The following ACOXL variants were observed in gnomAD, a reference collection of about 807,000 sequenced individuals.
ACOXL encodes the protein acyl-CoA oxidase like, also known as acyl-coenzyme A oxidase-like protein.
Under a neutral mutation model 71.9 loss-of-function variants are expected in ACOXL, and 70 were observed. The observed-to-expected ratio is 0.97, with a 90% CI of 0.80 to 1.19. The LOEUF is 1.19. Ranked by LOEUF, ACOXL falls within the 50% of genes most tolerant of loss-of-function variation. The pLI is 0.00. For missense variants in ACOXL, 703 were observed against 736.3 expected (o/e 0.95, Z 0.52); for synonymous variants, 253 against 281.6 (o/e 0.90, Z 1.02).
chr2:110,995,783 T>C, intron 13 of ACOXL, 110 bp from the exon 14 acceptor site: 1 of 756,744 alleles, frequency 1.3e-6, no homozygotes. Context: ...ATTGACACTA[T>C]TTTTCTACAG....
intron 12 of ACOXL, among the ~76,000 whole-genome samples, chr2:110,985,625 G>A (rs1323139627): frequency 6.6e-6 from 1 of 152,150 alleles, no homozygotes; most frequent in East Asian, 1.9e-4. Context: ...GGTTGCCATG[G>A]GGATGGGAAA....
chr2:111,104,361 C>T (rs756592385), intron 17 of ACOXL, among the ~76,000 whole-genome samples: 1 of 152,108 alleles, frequency 6.6e-6, no homozygotes, highest in Non-Finnish European at 1.5e-5. Context: ...TTCAGGGGTT[C>T]CATTGCTGGG....
At chr2:110,867,928 A>G (rs960759163) in intron 10 of ACOXL, among the ~76,000 whole-genome samples, 11 of 152,030 alleles carry the variant, frequency 7.2e-5, no homozygotes, top group Middle Eastern at 3.2e-3. Flanking sequence ...ACGCTCAGCT[A>G]ATTTTTGTAT....
chr2:111,013,522 CAAAAAAA>C (rs56905916), intron 14 of ACOXL, among the ~76,000 whole-genome samples: 15 of 95,520 alleles, frequency 1.6e-4, no homozygotes, highest in Non-Finnish European at 2.3e-4. Flanking sequence ...GACCCTGTCT[CAAAAAAA>C]AAAAAAAAAA....
intron 3 of ACOXL, among the ~76,000 whole-genome samples, chr2:110,787,807 T>C (rs73956453): frequency 0.014 from 2,139 of 152,276 alleles, 57 homozygotes; most frequent in African/African-American, 0.049. Context: ...TTCTTCATGT[T>C]CCAGCTAACG....
intron 16 of ACOXL, 40 bp downstream of exon 16, chr2:111,049,328 G>A: frequency 6.6e-7 from 1 of 1,523,240 alleles, no homozygotes; most frequent in Non-Finnish European, 9.1e-7. Flanking sequence ...TAAAGGCTCA[G>A]AGCGTTTTTA....
At chr2:110,874,072 CG>C (rs1004950962) in intron 10 of ACOXL, among the ~76,000 whole-genome samples, 8 of 152,122 alleles carry the variant, frequency 5.3e-5, no homozygotes, top group Non-Finnish European at 1.0e-4. Context: ...GAGCAAGAGC[CG>C]GGGAGGATGC....
intron 5 of ACOXL, among the ~76,000 whole-genome samples, chr2:110,797,566 C>T (rs921758585): frequency 5.9e-5 from 9 of 152,290 alleles, no homozygotes; most frequent in African/African-American, 9.6e-5. Flanking sequence ...TTTATCCAAG[C>T]GTACGGTTTT....
At chr2:110,806,281 T>G (rs1463568298) in intron 9 of ACOXL, among the ~76,000 whole-genome samples, 1 of 152,248 alleles carries the variant, frequency 6.6e-6, no homozygotes, top group African/African-American at 2.4e-5. Context: ...TCAACACGCG[T>G]ACGCGGCCTG....
At chr2:111,010,481 C>A (rs1191311654) in intron 14 of ACOXL, among the ~76,000 whole-genome samples, 1 of 151,862 alleles carries the variant, frequency 6.6e-6, no homozygotes. Context: ...CACACTCTAA[C>A]ATATATGTAA....
intron 10 of ACOXL, among the ~76,000 whole-genome samples, chr2:110,906,586 CAAAAAAAAA>C: frequency 1.0e-5 from 1 of 98,898 alleles, no homozygotes; most frequent in African/African-American, 4.3e-5. Flanking sequence ...ATTTTTCAGC[CAAAAAAAAA>C]AAAAAAAAAC....
intron 16 of ACOXL, among the ~76,000 whole-genome samples, chr2:111,079,872 CAAA>C (rs5833385): frequency 1.5e-5 from 2 of 129,152 alleles, no homozygotes; most frequent in East Asian, 2.2e-4. Flanking sequence ...TGTGAAAGGC[CAAA>C]AAAAAAAAAA....
At chr2:110,767,592 C>G (rs2104974506) in intron 1 of ACOXL, among the ~76,000 whole-genome samples, 1 of 152,302 alleles carries the variant, frequency 6.6e-6, no homozygotes, top group Admixed American at 6.5e-5. Flanking sequence ...TAATTACCAT[C>G]ACTCTGTTAT....
intron 10 of ACOXL, among the ~76,000 whole-genome samples, chr2:110,845,295 T>G (rs1286724175): frequency 6.6e-6 from 1 of 152,174 alleles, no homozygotes; most frequent in Non-Finnish European, 1.5e-5. Context: ...GAAGGCTTCA[T>G]GAAGCCTCTT....
chr2:110,888,772 T>G (rs1214298563), intron 10 of ACOXL, among the ~76,000 whole-genome samples: 1 of 152,258 alleles, frequency 6.6e-6, no homozygotes, highest in East Asian at 1.9e-4. Context: ...AGATCTCATT[T>G]GAACTTAAGG....
chr2:111,070,440 T>G (rs1261801002), intron 16 of ACOXL, among the ~76,000 whole-genome samples: 1 of 152,094 alleles, frequency 6.6e-6, no homozygotes. Flanking sequence ...TGCTCTCACT[T>G]ATAAGTAGGA....
At chr2:110,992,772 A>G (rs1277752789) in intron 13 of ACOXL, among the ~76,000 whole-genome samples, 1 of 152,182 alleles carries the variant, frequency 6.6e-6, no homozygotes, top group Admixed American at 6.5e-5. Flanking sequence ...TTCCTCCTGC[A>G]TGGTAGCCTG....
intron 12 of ACOXL, among the ~76,000 whole-genome samples, chr2:110,947,017 A>G (rs745727255): frequency 1.3e-5 from 2 of 152,134 alleles, no homozygotes; most frequent in Non-Finnish European, 2.9e-5. Flanking sequence ...ATGCTTACAC[A>G]TGTTCTGCAT....
At chr2:110,742,512 C>G (rs1014728419) in intron 1 of ACOXL, among the ~76,000 whole-genome samples, 1 of 152,110 alleles carries the variant, frequency 6.6e-6, no homozygotes, top group African/African-American at 2.4e-5. Flanking sequence ...TCCCTGACAC[C>G]TTGGATCCTG....
Sources: allele counts gnomAD v4.1 joint callset (sites outside exome capture counted in the v4.1 genomes callset), GRCh38; gene constraint gnomAD v4.1.1; transcripts MANE v1.5; gene names NCBI Gene and HGNC (gene_info 2026-07-23, HGNC 2026-07-21).